DDX17: variants seen among roughly 807,000 people sequenced by gnomAD.
The protein encoded by DDX17 is DEAD-box helicase 17.
A neutral mutation model predicts 80.8 loss-of-function variants in DDX17; 10 were observed. The observed-to-expected ratio is 0.12, with a 90% CI of 0.08 to 0.21. DDX17 has a LOEUF of 0.21. Ranked by LOEUF, DDX17 falls within the 10% of genes least tolerant of loss-of-function variation. The pLI, the probability that DDX17 is intolerant of heterozygous loss-of-function variation, is 1.00. For synonymous variants in DDX17, 339 were observed against 336.2 expected, an observed-to-expected ratio of 1.01 and a Z score of -0.09; for missense variants, 586 against 957.4, an observed-to-expected ratio of 0.61 and a Z score of 5.12.
chr22:38,501,774 AAT>A (rs941493462), intron 1 of DDX17, among the ~76,000 whole-genome samples: 1 of 152,250 alleles, frequency 6.6e-6, no homozygotes, highest in African/African-American at 2.4e-5. Flanking sequence ...TCATTCAACA[AAT>A]AGTTATTAGG....
chr22:38,488,245 C>T, intron 11 of DDX17, 130 bp from the exon 12 acceptor site: 2 of 1,571,780 alleles, frequency 1.3e-6, no homozygotes, highest in Non-Finnish European at 8.6e-7. Context: ...AAGTTAGTAA[C>T]CACTCTGAAC....
intron 1 of DDX17, among the ~76,000 whole-genome samples, chr22:38,503,195 C>T (rs1021788243): frequency 6.6e-6 from 1 of 152,138 alleles, no homozygotes; most frequent in African/African-American, 2.4e-5. Context: ...ACTGAACAGA[C>T]CAAAAGGCCA....
intron 3 of DDX17, 22 bp downstream of exon 3, chr22:38,499,378 T>G: frequency 1.3e-6 from 2 of 1,586,574 alleles, no homozygotes; most frequent in East Asian, 4.5e-5. Flanking sequence ...CAAATTAAGG[T>G]TCTAGATTGA....
At chr22:38,493,606 G>A in intron 10 of DDX17, 104 bp downstream of exon 10, 1 of 879,614 alleles carries the variant, frequency 1.1e-6, no homozygotes, top group South Asian at 1.5e-5. Flanking sequence ...TACTTACTAT[G>A]TGGCCCTTTA....
rs1381496234 is a variant in DDX17 at position 38,484,428 on chromosome 22, A to C, written c.*1507T>G. ...TCTCTCCCTAAAGAATTTTAAAAGGAAAACAAAACCTCGAGTATAGATCTT... is the reference window on the plus strand; with the variant it reads ...TCTCTCCCTAAAGAATTTTAAAAGGCAAACAAAACCTCGAGTATAGATCTT... On this transcript the variant is annotated 3_prime_UTR_variant, in exon 13 of 13. Transcript: ENST00000403230. The C allele has an allele frequency of 6.6e-6, 1 of 152,264 alleles. No homozygotes were observed. The highest frequency in any genetic ancestry group is 2.4e-5 in the African/African-American group (1 of 41,472). 9.4% of individuals were successfully genotyped at this position (152,264 alleles called of 1,614,324 possible). A position where few individuals can be genotyped will look rare whatever the true frequency, so the allele number is the denominator to read the frequency against.
rs1413646278 is a variant in DDX17 at position 38,498,596 on chromosome 22, G to GT, written c.539-24dup. On this transcript the variant is annotated intron_variant, in intron 3 of 12. Coordinates refer to ENST00000403230, the MANE Select transcript of DDX17 (RefSeq NM_006386.5). ...ATTCTGTAAGAGAATTTTATTTTGCGTATTTTATTGTGTTTAAAGACACAA... is the reference window on the plus strand; with the variant it reads ...ATTCTGTAAGAGAATTTTATTTTGCGTTATTTTATTGTGTTTAAAGACACAA... 8 of 1,611,276 alleles carry GT rather than the reference G, an allele frequency of 5.0e-6. No individual in the cohort carries two copies. The Admixed American group carries it at 1.0e-4, about 20-fold the overall frequency.
intron 5 of DDX17, among the ~76,000 whole-genome samples, chr22:38,497,353 A>G (rs893407363): frequency 7.0e-6 from 1 of 143,594 alleles, no homozygotes; most frequent in African/African-American, 2.6e-5. Context: ...GCGGTGGCTC[A>G]CACCTGTAAT....
chr22:38,493,151 G>A (rs2089729577), intron 10 of DDX17, among the ~76,000 whole-genome samples: 1 of 152,144 alleles, frequency 6.6e-6, no homozygotes, highest in Admixed American at 6.5e-5. Context: ...CTGGCACAAC[G>A]CCTATTTTTG....
Position 38,483,860 on chromosome 22 carries a change from A to G in DDX17, c.*2075T>C, listed in dbSNP as rs2089626807. 6.6e-6 allele frequency: 1 copy of G among 152,236 alleles called. No individual in the cohort carries two copies. The highest frequency in any genetic ancestry group is 2.1e-4 in the South Asian group (1 of 4,834). The allele number at this position is 152,236 out of a possible 1,614,324, so 9.4% of individuals were successfully genotyped here. On this transcript the variant is annotated 3_prime_UTR_variant, in exon 13 of 13. Coordinates refer to ENST00000403230, the MANE Select transcript of DDX17 (RefSeq NM_006386.5). ...TGACAGACATGGAGGCAGAAGAGTT[A>G]AACTCTGCTAGATTTCAGCTGTGCT...
chr22:38,497,439 G>A (rs566377337), intron 5 of DDX17, among the ~76,000 whole-genome samples: 18 of 151,222 alleles, frequency 1.2e-4, no homozygotes, highest in African/African-American at 4.4e-4. Flanking sequence ...CCAACATGGT[G>A]CAAACCTGTC....
At chr22:38,493,008 G>T (rs905009230) in intron 10 of DDX17, among the ~76,000 whole-genome samples, 5 of 152,236 alleles carry the variant, frequency 3.3e-5, no homozygotes, top group African/African-American at 1.2e-4. Context: ...AAGGGAGGGT[G>T]GTGAAAGTTG....
At position 38,489,605 on chromosome 22, in the gene DDX17, AG is replaced by A; in HGVS notation, c.1448-1491del. On this transcript the variant is annotated intron_variant, in intron 11 of 12. Transcript: ENST00000403230. The surrounding 1 kb of genome is among the most constrained non-coding windows in gnomAD (Gnocchi z 4.6). ...TATTGCCCAGACTGGATTAATTTCAAGGGAGAAAGGGGAGATTAAAAAAAAA... is the reference window on the plus strand; with the variant it reads ...TATTGCCCAGACTGGATTAATTTCAAGGAGAAAGGGGAGATTAAAAAAAAA... 1.0e-6 allele frequency: 1 copy of A among 985,184 alleles called. No individual in the cohort carries two copies. Among genetic ancestry groups the A allele is most frequent in the Non-Finnish European group, 1.2e-6 (1 of 829,778 alleles). The allele number at this position is 985,184 out of a possible 1,614,324, so 61.0% of individuals were successfully genotyped here. A position where few individuals can be genotyped will look rare whatever the true frequency, so the allele number is the denominator to read the frequency against.
In DDX17 at chr22:38,498,811, G is replaced by A. The variant is rs184525705; in HGVS notation, c.539-238C>T. Among the ~76,000 whole-genome samples the A allele has an allele frequency of 5.3e-5, 8 of 152,272 alleles. 1 individual carries two copies. In the East Asian group the frequency reaches 1.2e-3, roughly 22 times the overall value. ...AGGCTGAGGCCAGTGGAGGCCAGGA[G>A]TTCCAGACCAGCCTGGTCAACATGG... On this transcript the variant is annotated intron_variant, in intron 3 of 12. Transcript: ENST00000403230.
intron 1 of DDX17, among the ~76,000 whole-genome samples, chr22:38,501,647 T>G (rs1018905280): frequency 1.3e-5 from 2 of 152,210 alleles, no homozygotes; most frequent in African/African-American, 4.8e-5. Context: ...TAGTTTCCTA[T>G]GCAAAGTAGA....
At chr22:38,495,761 T>C (rs200649076) in intron 6 of DDX17, 35 bp downstream of exon 6, 1 of 1,443,982 alleles carries the variant, frequency 6.9e-7, no homozygotes, top group Non-Finnish European at 9.2e-7. Context: ...TAAAGTAAGA[T>C]AAACTAACAA....
intron 10 of DDX17, among the ~76,000 whole-genome samples, chr22:38,492,469 G>A (rs1415273250): frequency 6.6e-6 from 1 of 152,046 alleles, no homozygotes; most frequent in Non-Finnish European, 1.5e-5. Flanking sequence ...CCCCCCAAAA[G>A]GTATGCATAT....
chr22:38,495,979 TAAAAAAA>T (rs201173235), intron 5 of DDX17, 42 bp from the exon 6 acceptor site: 51 of 803,938 alleles, frequency 6.3e-5, no homozygotes, highest in African/African-American at 1.9e-4. Context: ...ATCCAAGGTT[TAAAAAAA>T]AAAAAAAAAA....
intron 11 of DDX17, chr22:38,491,555 T>C (rs1026007644): frequency 6.6e-6 from 1 of 152,370 alleles, no homozygotes; most frequent in Non-Finnish European, 1.5e-5. Flanking sequence ...AATACACATA[T>C]TTGCTATTCT....
chr22:38,486,985 T>C (rs1044726354), intron 12 of DDX17, among the ~76,000 whole-genome samples: 7 of 152,138 alleles, frequency 4.6e-5, no homozygotes, highest in Non-Finnish European at 4.4e-5. Context: ...CCAGCCAACA[T>C]GGTGAAACCC....
Sources: gnomAD v4.1 joint callset for allele counts (sites outside exome capture counted in the v4.1 genomes callset) on GRCh38, gnomAD v4.1.1 for gene constraint, Gnocchi (gnomAD v3.1) non-coding constraint, MANE v1.5 for transcripts, NCBI Gene and HGNC (gene_info 2026-07-23, HGNC 2026-07-21) for gene names.